Variants in GALNT2 observed in about 807,000 individuals in gnomAD.
GALNT2 encodes polypeptide N-acetylgalactosaminyltransferase 2.
Under a neutral mutation model 81.4 loss-of-function variants are expected in GALNT2, and 31 were observed. That is an observed-to-expected ratio of 0.38 (90% confidence interval 0.29 to 0.51). The LOEUF (loss-of-function observed/expected upper bound fraction) is 0.51. Among genes scored for constraint, GALNT2 ranks in the 20% least tolerant of loss-of-function variants. The probability of loss-of-function intolerance (pLI) is 0.87; values close to 1 mark genes in which losing one functional copy is unlikely to be tolerated. For missense variants in GALNT2, 629 were observed against 765.7 expected (o/e 0.82, Z 2.11); for synonymous variants, 303 against 287.4 (o/e 1.05, Z -0.55).
intron 1 of GALNT2, among the ~76,000 whole-genome samples, chr1:230,075,121 CTT>C (rs34482749): frequency 3.2e-5 from 3 of 92,598 alleles, no homozygotes; most frequent in African/African-American, 1.3e-4. Context: ...GTCTGTTTTG[CTT>C]TTTTTTTTTT....
rs7553452 is a variant in GALNT2 at position 230,257,256 on chromosome 1, C to T, written c.1136+1912C>T. Among the ~76,000 whole-genome samples, 6,752 of 152,310 alleles carry T rather than the reference C, an allele frequency of 0.044. 194 individuals are homozygous for T. Among genetic ancestry groups the T allele is most frequent in the Non-Finnish European group, 0.065 (4,390 of 68,024 alleles). ...CGTATGGTTGCTGGGCAGAGGGTGG[C>T]CAGGTGGTGACCCTATGGTGAAACA... On this transcript the variant is annotated intron_variant, in intron 11 of 15. Transcript: ENST00000366672. This position sits in a 1 kb window ranked among gnomAD's most constrained non-coding sequence, Gnocchi z 4.6.
chr1:230,159,684 G>A (rs1311480936), intron 1 of GALNT2, among the ~76,000 whole-genome samples: 9 of 152,232 alleles, frequency 5.9e-5, no homozygotes, highest in African/African-American at 1.2e-4. Flanking sequence ...CAGGCTGTAC[G>A]TGGTGAAGGT....
At chr1:230,154,908 T>C (rs1301936749) in intron 1 of GALNT2, among the ~76,000 whole-genome samples, 3 of 152,176 alleles carry the variant, frequency 2.0e-5, no homozygotes, top group Non-Finnish European at 2.9e-5. Context: ...ACTCACCTTA[T>C]CACATTGGTA....
chr1:230,262,474 G>A, intron 11 of GALNT2, 99 bp from the exon 12 acceptor site: 1 of 1,004,568 alleles, frequency 1.0e-6, no homozygotes, highest in Non-Finnish European at 1.5e-6. Context: ...TGCACACCCA[G>A]AGGGAGCCGC....
intron 1 of GALNT2, among the ~76,000 whole-genome samples, chr1:230,133,961 T>A (rs2102816154): frequency 6.6e-6 from 1 of 152,302 alleles, no homozygotes; most frequent in South Asian, 2.1e-4. Context: ...TAAATTCTCA[T>A]CCTTTTGCTT....
chr1:230,254,344 A>G (rs971439763), intron 10 of GALNT2, among the ~76,000 whole-genome samples: 9 of 152,158 alleles, frequency 5.9e-5, no homozygotes, highest in African/African-American at 2.2e-4. Flanking sequence ...AGACCTACAC[A>G]TCTCATTCCT....
chr1:230,112,846 G>A (rs560914109), intron 1 of GALNT2, among the ~76,000 whole-genome samples: 1 of 152,266 alleles, frequency 6.6e-6, no homozygotes, highest in Admixed American at 6.5e-5. Context: ...TGGGCTGTGA[G>A]CCAGGACAAA....
At chr1:230,153,623 C>G (rs1049314975) in intron 1 of GALNT2, among the ~76,000 whole-genome samples, 1 of 152,120 alleles carries the variant, frequency 6.6e-6, no homozygotes, top group Non-Finnish European at 1.5e-5. Context: ...ATCATCAGGC[C>G]CCTAAGTACC....
chr1:230,168,186 C>T (rs200469168), intron 1 of GALNT2, among the ~76,000 whole-genome samples: 9 of 51,084 alleles, frequency 1.8e-4, no homozygotes, highest in African/African-American at 3.0e-4. Flanking sequence ...AAGTGTCGGG[C>T]GCTCAGCTAA....
At chr1:230,105,891 G>A (rs963297316) in intron 1 of GALNT2, among the ~76,000 whole-genome samples, 5 of 151,956 alleles carry the variant, frequency 3.3e-5, no homozygotes, top group African/African-American at 9.7e-5. Flanking sequence ...CAGATCCAGC[G>A]CTGTATCTGC....
rs60824749 is a variant in GALNT2 at position 230,141,788 on chromosome 1, C to CTTTTTTTTTTTTTTTTTTT, written c.127-36426_127-36408dup. Among the ~76,000 whole-genome samples, 7 of 101,324 alleles carry CTTTTTTTTTTTTTTTTTTT rather than the reference C, an allele frequency of 6.9e-5. 1 individual carries two copies. Among genetic ancestry groups the CTTTTTTTTTTTTTTTTTTT allele is most frequent in the African/African-American group, 7.2e-5 (2 of 27,744 alleles). The allele number at this position is 101,324 out of a possible 152,430, so 66.5% of individuals were successfully genotyped here. A position where few individuals can be genotyped will look rare whatever the true frequency, so the allele number is the denominator to read the frequency against. On this transcript the variant is annotated intron_variant, in intron 1 of 15. Transcript: ENST00000366672. ...CAAGACCCCGCTTTCTTTTGTTTTC[C>CTTTTTTTTTTTTTTTTTTT]TTTTTTTTTTTTTTTTTTTTTTGAG...
At chr1:230,133,920 T>A (rs1572001773) in intron 1 of GALNT2, among the ~76,000 whole-genome samples, 2 of 152,002 alleles carry the variant, frequency 1.3e-5, no homozygotes, top group South Asian at 2.1e-4. Flanking sequence ...TCCTTTTTTT[T>A]AAATAGAGAG....
At chr1:230,153,972 G>A (rs1009695336) in intron 1 of GALNT2, among the ~76,000 whole-genome samples, 1 of 152,222 alleles carries the variant, frequency 6.6e-6, no homozygotes, top group Admixed American at 6.5e-5. Context: ...GTCTGTCTGC[G>A]TGGGTGTCTA....
chr1:230,270,476 TA>T (rs1384716770), intron 14 of GALNT2, among the ~76,000 whole-genome samples: 1 of 152,244 alleles, frequency 6.6e-6, no homozygotes, highest in African/African-American at 2.4e-5. Context: ...GCACTTGAAA[TA>T]TGACTAGTGT....
At chr1:230,213,313 C>A (rs542446933) in intron 3 of GALNT2, among the ~76,000 whole-genome samples, 1 of 152,280 alleles carries the variant, frequency 6.6e-6, no homozygotes, top group Admixed American at 6.5e-5. Flanking sequence ...CAACAGAGCT[C>A]TGTTCTTTCT....
intron 1 of GALNT2, among the ~76,000 whole-genome samples, chr1:230,100,915 T>C (rs1660383659): frequency 6.6e-6 from 1 of 152,238 alleles, no homozygotes; most frequent in Non-Finnish European, 1.5e-5. Context: ...CAGTTAACAG[T>C]AGACTGCATA....
At chr1:230,192,211 A>C (rs1474401713) in intron 2 of GALNT2, among the ~76,000 whole-genome samples, 2 of 152,238 alleles carry the variant, frequency 1.3e-5, no homozygotes, top group Admixed American at 1.3e-4. Flanking sequence ...TGGAGGGAAC[A>C]CAGACTGGGC....
intron 14 of GALNT2, among the ~76,000 whole-genome samples, chr1:230,273,635 G>T (rs956970554): frequency 6.6e-6 from 1 of 152,172 alleles, no homozygotes; most frequent in Non-Finnish European, 1.5e-5. Context: ...CAAAATGGTT[G>T]TCCTCTCACC....
At chr1:230,177,413 A>G (rs1663016079) in intron 1 of GALNT2, among the ~76,000 whole-genome samples, 1 of 152,242 alleles carries the variant, frequency 6.6e-6, no homozygotes, top group Non-Finnish European at 1.5e-5. Context: ...TGGGAAAATT[A>G]CTAGCCATGG....
Sources: allele counts gnomAD v4.1 joint callset (sites outside exome capture counted in the v4.1 genomes callset), GRCh38; gene constraint gnomAD v4.1.1; non-coding constraint Gnocchi (gnomAD v3.1); transcripts MANE v1.5; gene names NCBI Gene and HGNC (gene_info 2026-07-23, HGNC 2026-07-21).